Variants in AK7 observed in about 807,000 individuals in gnomAD.
AK7 encodes the protein ATP-AMP transphosphorylase 7.
Under a neutral mutation model 96.6 loss-of-function variants are expected in AK7, and 78 were observed. The observed-to-expected ratio is 0.81, with a 90% CI of 0.67 to 0.97. The LOEUF (loss-of-function observed/expected upper bound fraction) is 0.97. Among genes scored for constraint, AK7 ranks in the 50% least tolerant of loss-of-function variants. AK7 has a pLI of 0.00. For missense variants in AK7, 855 were observed against 887.9 expected (o/e 0.96, Z 0.47); for synonymous variants, 302 against 317.2 (o/e 0.95, Z 0.51).
chr14:96,414,718 A>G (rs147927721), intron 4 of AK7, among the ~76,000 whole-genome samples: 2 of 151,714 alleles, frequency 1.3e-5, no homozygotes, highest in Non-Finnish European at 2.9e-5. Context: ...GAAACAGGCC[A>G]AGAAGACGGA....
intron 5 of AK7, among the ~76,000 whole-genome samples, chr14:96,430,799 G>A (rs1428337054): frequency 6.6e-6 from 1 of 152,162 alleles, no homozygotes; most frequent in Non-Finnish European, 1.5e-5. Context: ...AAATGAGTTA[G>A]GGAGGATTTC....
chr14:96,451,323 A>G (rs1893588756), intron 9 of AK7, 98 bp from the exon 10 acceptor site: 9 of 1,061,718 alleles, frequency 8.5e-6, no homozygotes, highest in South Asian at 6.0e-5. Flanking sequence ...TAGTGAATGT[A>G]TATTGTTTTT....
chr14:96,443,780 A>ATTTT (rs60861399), intron 7 of AK7, among the ~76,000 whole-genome samples: 6 of 137,596 alleles, frequency 4.4e-5, no homozygotes, highest in Admixed American at 1.5e-4. Context: ...AAAACTCATA[A>ATTTT]TTTTTTTTTT....
At chr14:96,394,485 T>C (rs1889939658) in intron 1 of AK7, among the ~76,000 whole-genome samples, 1 of 152,124 alleles carries the variant, frequency 6.6e-6, no homozygotes, top group East Asian at 1.9e-4. Context: ...GAGCCCAGAA[T>C]GTGGCCCTAC....
At chr14:96,486,112 T>C (rs989171988) in intron 16 of AK7, among the ~76,000 whole-genome samples, 1 of 152,122 alleles carries the variant, frequency 6.6e-6, no homozygotes, top group African/African-American at 2.4e-5. Context: ...TTGCAAGTGA[T>C]AGAAAAGCAA....
rs188589156 is a variant in AK7 at position 96,448,209 on chromosome 14, G to A, written c.871-1593G>A. The stretch of plus-strand genomic sequence containing the variant: ...TGCCTCATTCCCACCTCCTGCACGC[G>A]ACAGGTGTCTCTCTTCATCCCAGGT... On this transcript the variant is annotated intron_variant, in intron 8 of 17. Coordinates refer to ENST00000267584, the MANE Select transcript of AK7 (RefSeq NM_152327.5). Among the ~76,000 whole-genome samples, 200 of 151,866 alleles carry A rather than the reference G, an allele frequency of 1.3e-3. 2 individuals are homozygous for A. Among genetic ancestry groups the A allele is most frequent in the African/African-American group, 1.4e-3 (59 of 41,398 alleles).
intron 15 of AK7, among the ~76,000 whole-genome samples, chr14:96,478,979 G>A (rs984700938): frequency 2.6e-5 from 4 of 151,876 alleles, no homozygotes; most frequent in African/African-American, 9.7e-5. Flanking sequence ...TGCAATCTTG[G>A]CTCACTGCAA....
In AK7 at chr14:96,437,889, G is replaced by A. The variant is rs1892733172; in HGVS notation, c.664G>A (p.Gly222Arg). 1.9e-6 allele frequency: 3 copies of A among 1,613,774 alleles called. No homozygotes were observed. Among genetic ancestry groups the A allele is most frequent in the South Asian group, 1.1e-5 (1 of 90,988 alleles). ...TGCTGGACTCCAGTATGGAGCGGAAGGAGGCATGTTACACACATTTTTTAA... is the reference window on the plus strand; with the variant it reads ...TGCTGGACTCCAGTATGGAGCGGAAAGAGGCATGTTACACACATTTTTTAA... Reference protein sequence around the residue: ...VAAGLQYGAEGGMLHTFFKMA... With the variant: ...VAAGLQYGAERGMLHTFFKMA... The change falls in exon 6 of 18, where the codon GGA (glycine) becomes AGA (arginine). Residue 222 changes from glycine (G) to arginine (R), a missense_variant. By Grantham distance (125) the Gly-to-Arg change is moderately radical. Coordinates refer to ENST00000267584, the MANE Select transcript of AK7 (RefSeq NM_152327.5).
chr14:96,460,023 G>T (rs140878404), intron 12 of AK7, among the ~76,000 whole-genome samples: 28 of 152,298 alleles, frequency 1.8e-4, no homozygotes, highest in African/African-American at 6.0e-4. Flanking sequence ...GTAAGGTGTC[G>T]CTTTGAACTC....
At chr14:96,410,288 T>C (rs1254154224) in intron 4 of AK7, among the ~76,000 whole-genome samples, 1 of 152,146 alleles carries the variant, frequency 6.6e-6, no homozygotes, top group Admixed American at 6.5e-5. Context: ...TATAATCCCT[T>C]CCCTCAGAGC....
At chr14:96,404,541 C>A (rs1042071891) in intron 2 of AK7, among the ~76,000 whole-genome samples, 1 of 152,138 alleles carries the variant, frequency 6.6e-6, no homozygotes, top group Non-Finnish European at 1.5e-5. Flanking sequence ...ATTTTTAAAT[C>A]ATCTGTTCCA....
At chr14:96,413,793 T>G (rs1891175343) in intron 4 of AK7, among the ~76,000 whole-genome samples, 1 of 152,176 alleles carries the variant, frequency 6.6e-6, no homozygotes, top group South Asian at 2.1e-4. Context: ...GAAAAGTGAA[T>G]ATTAGATTGT....
At chr14:96,406,766 C>T (rs1356523609) in intron 3 of AK7, among the ~76,000 whole-genome samples, 1 of 152,040 alleles carries the variant, frequency 6.6e-6, no homozygotes, top group Non-Finnish European at 1.5e-5. Flanking sequence ...CTTACTACAG[C>T]CTCAAACTCC....
intron 16 of AK7, among the ~76,000 whole-genome samples, chr14:96,485,748 C>G (rs1478980472): frequency 6.6e-6 from 1 of 151,432 alleles, no homozygotes; most frequent in African/African-American, 2.4e-5. Context: ...TCTGGGTTGG[C>G]AATCTTGCTA....
chr14:96,394,483 A>G (rs944850218), intron 1 of AK7, among the ~76,000 whole-genome samples: 1 of 152,168 alleles, frequency 6.6e-6, no homozygotes, highest in Admixed American at 6.5e-5. Flanking sequence ...GGGAGCCCAG[A>G]ATGTGGCCCT....
chr14:96,442,995 A>C (rs1043899756), intron 7 of AK7, among the ~76,000 whole-genome samples, 177 bp downstream of exon 7: 1 of 152,234 alleles, frequency 6.6e-6, no homozygotes, highest in East Asian at 1.9e-4. Flanking sequence ...CTAATGAAAT[A>C]GTGCCCACTG....
At chr14:96,449,331 G>A (rs1368075026) in intron 8 of AK7, among the ~76,000 whole-genome samples, 1 of 152,160 alleles carries the variant, frequency 6.6e-6, no homozygotes. Context: ...GCTCTTGAGG[G>A]CAGATCCTGG....
intron 6 of AK7, among the ~76,000 whole-genome samples, chr14:96,439,567 A>G (rs1452556196): frequency 1.3e-5 from 2 of 151,792 alleles, no homozygotes; most frequent in East Asian, 3.9e-4. Flanking sequence ...GTTAGGCTGA[A>G]GTAGGAGAAT....
At chr14:96,460,438 C>G (rs1894191170) in intron 12 of AK7, among the ~76,000 whole-genome samples, 1 of 152,128 alleles carries the variant, frequency 6.6e-6, no homozygotes. Flanking sequence ...GGGAGAAGGA[C>G]AGAGAAGGAT....
Sources: gnomAD v4.1 joint callset for allele counts (sites outside exome capture counted in the v4.1 genomes callset) on GRCh38, gnomAD v4.1.1 for gene constraint, MANE v1.5 for transcripts, NCBI Gene and HGNC (gene_info 2026-07-23, HGNC 2026-07-21) for gene names.